DCAF6: variants seen among roughly 807,000 people sequenced by gnomAD.
DCAF6 encodes the protein DDB1- and CUL4-associated factor 6.
In DCAF6, 54 loss-of-function variants were observed where a neutral mutation model predicts 125.1. The observed-to-expected ratio is 0.43, with a 90% CI of 0.35 to 0.54. The LOEUF (loss-of-function observed/expected upper bound fraction) is 0.54. Ranked by LOEUF, DCAF6 falls within the 20% of genes least tolerant of loss-of-function variation. The pLI is 0.01. For missense variants in DCAF6, 934 were observed against 1,161.7 expected, an observed-to-expected ratio of 0.80 and a Z score of 2.85; for synonymous variants, 371 against 390.4, an observed-to-expected ratio of 0.95 and a Z score of 0.58.
chr1:167,964,564 C>T (rs1676108208), intron 2 of DCAF6, among the ~76,000 whole-genome samples: 1 of 152,154 alleles, frequency 6.6e-6, no homozygotes, highest in Non-Finnish European at 1.5e-5. Flanking sequence ...TCTGAGCTTA[C>T]TGGATCTATG....
chr1:167,866,304 G>A, the DCAF6 span, among the ~76,000 whole-genome samples: 6 of 152,116 alleles, frequency 3.9e-5, no homozygotes, highest in East Asian at 3.8e-4. Flanking sequence ...CCATTTAGAC[G>A]CAATTGGAGT....
At chr1:168,059,549 C>T (rs1453935599) in intron 17 of DCAF6, among the ~76,000 whole-genome samples, 4 of 152,148 alleles carry the variant, frequency 2.6e-5, no homozygotes, top group Non-Finnish European at 4.4e-5. Context: ...AATAAGTCAT[C>T]AGAATATGCT....
the DCAF6 span, chr1:167,918,426 T>C: frequency 9.8e-7 from 1 of 1,023,342 alleles, no homozygotes; most frequent in Non-Finnish European, 1.5e-6. Context: ...AAGGAGAGAA[T>C]GGGAAGCATA....
At chr1:168,038,528 G>A (rs1370024910) in intron 13 of DCAF6, 40 bp downstream of exon 13, 7 of 1,394,192 alleles carry the variant, frequency 5.0e-6, no homozygotes, top group Non-Finnish European at 7.0e-6. Context: ...TAGCCATTTT[G>A]TAGGATTGTA....
chr1:168,000,622 G>A (rs971021873), intron 7 of DCAF6, among the ~76,000 whole-genome samples: 1 of 152,102 alleles, frequency 6.6e-6, no homozygotes, highest in African/African-American at 2.4e-5. Context: ...ACCAATTGAC[G>A]AATGGATGAA....
chr1:168,062,287 TC>T (rs1376679816), intron 17 of DCAF6, among the ~76,000 whole-genome samples: 1 of 152,182 alleles, frequency 6.6e-6, no homozygotes. Flanking sequence ...CTTCAGGAAT[TC>T]TGGTTATACT....
At chr1:167,871,256 G>A in the DCAF6 span, among the ~76,000 whole-genome samples, 1 of 152,038 alleles carries the variant, frequency 6.6e-6, no homozygotes, top group Non-Finnish European at 1.5e-5. Context: ...ACTTAATTCA[G>A]GGCTACAAAA....
chr1:167,935,612 G>A, upstream of DCAF6: 1 of 758,606 alleles, frequency 1.3e-6, no homozygotes, highest in Non-Finnish European at 2.2e-6. Context: ...GGCTTCACTT[G>A]AAGGGAAGGG....
At chr1:168,021,643 AATG>A (rs934019745) in intron 11 of DCAF6, among the ~76,000 whole-genome samples, 43 of 152,340 alleles carry the variant, frequency 2.8e-4, no homozygotes, top group African/African-American at 1.0e-3. Flanking sequence ...TTATTCAAAT[AATG>A]ATCATGTTTT....
chr1:167,941,623 T>G (rs1672255769), intron 1 of DCAF6, among the ~76,000 whole-genome samples: 1 of 152,166 alleles, frequency 6.6e-6, no homozygotes, highest in Non-Finnish European at 1.5e-5. Flanking sequence ...TACGCACTAA[T>G]GAGTCTCAGC....
chr1:168,072,294 T>TAAAA (rs59674650), intron 21 of DCAF6, among the ~76,000 whole-genome samples: 831 of 40,922 alleles, frequency 0.02, 3 homozygotes, highest in Middle Eastern at 0.083. Flanking sequence ...AGAATCAGTC[T>TAAAA]AAAAAAAAAA....
chr1:167,916,075 T>C, the DCAF6 span, among the ~76,000 whole-genome samples: 6 of 152,232 alleles, frequency 3.9e-5, no homozygotes, highest in African/African-American at 7.2e-5. Context: ...GTGGAAATTA[T>C]TTTTACGGAG....
intron 16 of DCAF6, among the ~76,000 whole-genome samples, chr1:168,046,782 C>T (rs1572083734): frequency 6.6e-6 from 1 of 152,082 alleles, no homozygotes; most frequent in East Asian, 1.9e-4. Flanking sequence ...TTTCCAAAAC[C>T]CAGGGTTGAG....
chr1:167,988,651 T>G (rs1464875032), intron 5 of DCAF6, among the ~76,000 whole-genome samples: 1 of 150,884 alleles, frequency 6.6e-6, no homozygotes, highest in Non-Finnish European at 1.5e-5. Flanking sequence ...TACTGAAAGT[T>G]ACAAAAAAAA....
At chr1:168,030,642 G>A (rs1312825204) in intron 12 of DCAF6, among the ~76,000 whole-genome samples, 2 of 152,144 alleles carry the variant, frequency 1.3e-5, no homozygotes, top group East Asian at 3.9e-4. Context: ...AGGACTTGGT[G>A]GTAGATTGAA....
chr1:167,987,936 CT>C (rs1404632787), intron 5 of DCAF6, among the ~76,000 whole-genome samples: 3 of 151,798 alleles, frequency 2.0e-5, no homozygotes, highest in Admixed American at 2.0e-4. Flanking sequence ...ATAAATGTAT[CT>C]CATTTACTCA....
intron 1 of DCAF6, among the ~76,000 whole-genome samples, chr1:167,940,623 A>G (rs1176855076): frequency 6.6e-6 from 1 of 152,110 alleles, no homozygotes; most frequent in Non-Finnish European, 1.5e-5. Context: ...GCTTTTGGAA[A>G]TCAGTGATTT....
the DCAF6 span, among the ~76,000 whole-genome samples, chr1:167,866,303 C>T: frequency 2.0e-5 from 3 of 152,090 alleles, no homozygotes; most frequent in Admixed American, 1.3e-4. Flanking sequence ...TCCATTTAGA[C>T]GCAATTGGAG....
chr1:167,876,867 C>T, the DCAF6 span, among the ~76,000 whole-genome samples: 1 of 152,116 alleles, frequency 6.6e-6, no homozygotes, highest in Non-Finnish European at 1.5e-5. Context: ...TTGCATTGGG[C>T]CTGCTCTCTT....
Sources: allele counts gnomAD v4.1 joint callset (sites outside exome capture counted in the v4.1 genomes callset), GRCh38; gene constraint gnomAD v4.1.1; transcripts MANE v1.5; gene names NCBI Gene and HGNC (gene_info 2026-07-23, HGNC 2026-07-21).